Variants in PFKP observed in about 807,000 individuals in gnomAD.
PFKP encodes ATP-dependent 6-phosphofructokinase, platelet type.
In PFKP, 101 loss-of-function variants were observed where a neutral mutation model predicts 94.3. That is an observed-to-expected ratio of 1.07 (90% CI 0.91 to 1.26). PFKP has a LOEUF of 1.26. Ranked by LOEUF, PFKP falls within the 50% of genes most tolerant of loss-of-function variation. PFKP has a pLI of 0.00. For missense variants in PFKP, 1,145 were observed against 1,103.3 expected (o/e 1.04, Z -0.53); for synonymous variants, 573 against 432.6 (o/e 1.32, Z -4.03).
chr10:3,069,178 G>C (rs1001130453), intron 1 of PFKP: 7 of 1,202,178 alleles, frequency 5.8e-6, no homozygotes, highest in Non-Finnish European at 6.3e-6. Context: ...GGCAGCGCCA[G>C]GCCCCGCCCC....
At chr10:3,091,528 A>AT (rs915633684) in intron 2 of PFKP, among the ~76,000 whole-genome samples, 44 of 152,262 alleles carry the variant, frequency 2.9e-4, no homozygotes, top group Admixed American at 7.2e-4. Flanking sequence ...CTCACTTAAG[A>AT]TTCTTGCCGA....
Position 3,109,458 on chromosome 10 carries a change from C to T in PFKP, c.1067C>T (p.Pro356Leu), listed in dbSNP as rs577785835. The change falls in exon 10 of 22, where the codon CCG becomes CTG. Residue 356 changes from proline to leucine, a missense_variant. Around this residue, in one of 3 missense-constraint regions of PFKP, gnomAD observed 1,119 missense variants for 1,062.8 expected, o/e 1.05. Coordinates refer to ENST00000381125, the MANE Select transcript of PFKP (RefSeq NM_002627.5). ...SLNGNHAVRLPLMECVQMTQD... is the reference protein window; with the variant it reads ...SLNGNHAVRLLLMECVQMTQD... ...AACGGGAACCACGCCGTGCGCCTGC[C>T]GCTGATGGAGTGCGTGCAGATGGTG... is the stretch of plus-strand genomic sequence containing the variant. 3.4e-5 allele frequency: 54 copies of T among 1,606,400 alleles called. 1 individual carries two copies. The highest frequency in any genetic ancestry group is 5.5e-5 in the South Asian group (5 of 91,034).
At chr10:3,082,878 A>AT (rs1469825015) in intron 2 of PFKP, among the ~76,000 whole-genome samples, 7 of 152,006 alleles carry the variant, frequency 4.6e-5, no homozygotes, top group Non-Finnish European at 8.8e-5. Context: ...CACCCAGCTA[A>AT]TTTTTTGTAT....
In PFKP at chr10:3,101,553, C is replaced by T. The variant is rs201731667; in HGVS notation, c.453C>T (p.Asn151=). 60 of 1,531,816 alleles carry T rather than the reference C, an allele frequency of 3.9e-5. No individual in the cohort carries two copies. The highest frequency in any genetic ancestry group is 3.5e-4 in the East Asian group (15 of 43,460). 94.9% of individuals were successfully genotyped at this position (1,531,816 alleles called of 1,614,324 possible). The change falls in exon 4 of 22, where the codon AAC becomes AAT. Residue 151 remains asparagine (N), a splice_region_variant and synonymous_variant. Coordinates refer to ENST00000381125, the MANE Select transcript of PFKP (RefSeq NM_002627.5). ...GGCTGCTGGAGGAGCTGGCCAGGAA[C>T]GGTGAGTGGACACCTGCTCCTCTGT... is the stretch of plus-strand genomic sequence containing the variant. The part of the protein sequence containing the change: ...WSGLLEELAR[N]GQIDKEAVQK...
intron 2 of PFKP, among the ~76,000 whole-genome samples, chr10:3,097,572 A>G (rs992819605): frequency 6.6e-6 from 1 of 152,098 alleles, no homozygotes; most frequent in Non-Finnish European, 1.5e-5. Flanking sequence ...CCTGTGAGCC[A>G]GGGCCTGGGT....
chr10:3,133,594 C>A (rs1256749432), intron 19 of PFKP, among the ~76,000 whole-genome samples: 2 of 152,120 alleles, frequency 1.3e-5, no homozygotes, highest in African/African-American at 2.4e-5. Flanking sequence ...CCACACCCAG[C>A]TAATTTTTGT....
chr10:3,120,396 T>C (rs1219327480), intron 16 of PFKP, among the ~76,000 whole-genome samples: 1 of 138,460 alleles, frequency 7.2e-6, no homozygotes, highest in Non-Finnish European at 1.6e-5. Flanking sequence ...TGTGTGTGTG[T>C]GTGCTGAGCC....
At chr10:3,117,174 A>AGAG (rs1179179224) in intron 14 of PFKP, among the ~76,000 whole-genome samples, 1 of 152,228 alleles carries the variant, frequency 6.6e-6, no homozygotes, top group Non-Finnish European at 1.5e-5. Flanking sequence ...GGAGCCGTGG[A>AGAG]GATGGCACTC....
intron 1 of PFKP, among the ~76,000 whole-genome samples, chr10:3,072,434 G>A (rs994038708): frequency 6.6e-6 from 1 of 152,198 alleles, no homozygotes; most frequent in Admixed American, 6.5e-5. Context: ...CACGGCTCTG[G>A]GCCCGTTACC....
intron 2 of PFKP, among the ~76,000 whole-genome samples, chr10:3,084,706 C>CTCCCCAGCACAGTCCTCCAGCCA (rs1554760861): frequency 8.1e-4 from 53 of 65,538 alleles, no homozygotes; most frequent in African/African-American, 2.8e-3. Flanking sequence ...TCCTCCAGCC[C>CTCCCCAGCACAGTCCTCCAGCCA]CTCCCCAGGA....
chr10:3,098,395 GC>G (rs1348735341), intron 2 of PFKP, among the ~76,000 whole-genome samples: 6 of 152,190 alleles, frequency 3.9e-5, no homozygotes, highest in African/African-American at 1.4e-4. Flanking sequence ...GTAATTGTTG[GC>G]CAGGCGCGGT....
At chr10:3,128,809 T>G (rs1260124489) in intron 16 of PFKP, among the ~76,000 whole-genome samples, 1 of 152,180 alleles carries the variant, frequency 6.6e-6, no homozygotes, top group South Asian at 2.1e-4. Flanking sequence ...GGGATAGGAC[T>G]GGGATTCCTT....
At chr10:3,103,622 G>T (rs1411081321) in intron 4 of PFKP, among the ~76,000 whole-genome samples, 157 bp from the exon 5 acceptor site, 1 of 152,206 alleles carries the variant, frequency 6.6e-6, no homozygotes, top group East Asian at 1.9e-4. Flanking sequence ...GTGAGACCCT[G>T]TCTCAGAAAA....
At chr10:3,102,291 CTTTAA>C (rs1266459359) in intron 4 of PFKP, among the ~76,000 whole-genome samples, 1 of 145,716 alleles carries the variant, frequency 6.9e-6, no homozygotes, top group African/African-American at 2.5e-5. Flanking sequence ...TGCCACAGGA[CTTTAA>C]TTTATTTAGA....
chr10:3,129,859 G>A lies in PFKP; in HGVS notation c.1724G>A (p.Arg575Gln), dbSNP rs780752781. Residue 575 changes from arginine (R) to glutamine (Q), a missense_variant, in exon 17 of 22, where the codon CGG becomes CAG. Coordinates refer to ENST00000381125, the MANE Select transcript of PFKP (RefSeq NM_002627.5). ...RIKQSASGTK[R>Q]RVFIIETMGG... is the part of the protein sequence containing the mutation. ...AAGCAGTCCGCCAGCGGAACCAAGC[G>A]GCGCGTGTTCATCATCGAGACCATG... 70 of 1,613,548 alleles carry A rather than the reference G, an allele frequency of 4.3e-5. No individual in the cohort carries two copies. The highest frequency in any genetic ancestry group is 5.2e-5 in the Non-Finnish European group (61 of 1,180,002).
At position 3,136,683 on chromosome 10, in the gene PFKP, C is replaced by A; in HGVS notation, c.*104C>A. The A allele has an allele frequency of 7.7e-7, 1 of 1,294,608 alleles. No homozygotes were observed. The highest frequency in any genetic ancestry group is 1.1e-6 in the Non-Finnish European group (1 of 933,834). 80.2% of individuals were successfully genotyped at this position (1,294,608 alleles called of 1,614,324 possible). A position where few individuals can be genotyped will look rare whatever the true frequency, so the allele number is the denominator to read the frequency against. On this transcript the variant is annotated 3_prime_UTR_variant, in exon 22 of 22. Transcript: ENST00000381125. ...TATGCACGTATTATTGACATTAATACCTAATCGGCGAGTGCCCATCTGCCC... is the reference window on the plus strand; with the variant it reads ...TATGCACGTATTATTGACATTAATAACTAATCGGCGAGTGCCCATCTGCCC...
At position 3,121,803 on chromosome 10, in the gene PFKP, C is replaced by CTTTTTTTTTTTTT. The variant is rs759926178; in HGVS notation, c.1683+1774_1683+1786dup. Among the ~76,000 whole-genome samples the CTTTTTTTTTTTTT allele has an allele frequency of 8.9e-4, 29 of 32,626 alleles. 2 individuals are homozygous for CTTTTTTTTTTTTT. The highest frequency in any genetic ancestry group is 1.1e-3 in the Non-Finnish European group (18 of 16,884). The allele number at this position is 32,626 out of a possible 152,430, so 21.4% of individuals were successfully genotyped here. A position where few individuals can be genotyped will look rare whatever the true frequency, so the allele number is the denominator to read the frequency against. ...TAGGTTAAACAATTTCTTTTTTTTT[C>CTTTTTTTTTTTTT]TTTTTTTTTTTTTTTTTTTTTTTTT... On this transcript the variant is annotated intron_variant, in intron 16 of 21. Coordinates refer to ENST00000381125, the MANE Select transcript of PFKP (RefSeq NM_002627.5).
intron 16 of PFKP, among the ~76,000 whole-genome samples, chr10:3,126,959 C>T (rs1220232728): frequency 6.6e-6 from 1 of 152,240 alleles, no homozygotes; most frequent in East Asian, 1.9e-4. Context: ...CTGCTGTCCA[C>T]GTGCCAGCCC....
At position 3,134,347 on chromosome 10, in the gene PFKP, A is replaced by C. The variant is rs181857209; in HGVS notation, c.2023-136A>C. 2.7e-4 allele frequency: 168 copies of C among 620,804 alleles called. 1 individual carries two copies. The East Asian group carries it at 4.2e-3, about 16-fold the overall frequency. 38.5% of individuals were successfully genotyped at this position (620,804 alleles called of 1,614,324 possible). ...AGGCCAAGTTCAGGCTACGGGAATC[A>C]CAGGTTTTGTTCTGTTCCAACTATA... On this transcript the variant is annotated intron_variant, in intron 19 of 21. Transcript: ENST00000381125.
Sources: allele counts gnomAD v4.1 joint callset (sites outside exome capture counted in the v4.1 genomes callset), GRCh38; gene constraint gnomAD v4.1.1; regional missense constraint gnomAD v4.1.1; transcripts MANE v1.5; gene names NCBI Gene and HGNC (gene_info 2026-07-23, HGNC 2026-07-21).